Variants in TRPV5 observed in about 807,000 individuals in gnomAD.
TRPV5 encodes transient receptor potential cation channel subfamily V member 5.
In TRPV5, 66 loss-of-function variants were observed where a neutral mutation model predicts 74.1. That is an observed-to-expected ratio of 0.89 (90% CI 0.73 to 1.09). TRPV5 has a LOEUF of 1.09. Ranked by LOEUF, TRPV5 falls within the 50% of genes least tolerant of loss-of-function variation. The pLI is 0.00. For missense variants in TRPV5, 936 were observed against 930.4 expected, an observed-to-expected ratio of 1.01 and a Z score of -0.08; for synonymous variants, 399 against 360.7, an observed-to-expected ratio of 1.11 and a Z score of -1.20.
chr7:142,925,314 G>T (rs1795964772), intron 8 of TRPV5: 1 of 599,154 alleles, frequency 1.7e-6, no homozygotes, highest in Non-Finnish European at 3.0e-6. Flanking sequence ...CAAAGTTTGT[G>T]TGAGAAAATC....
intron 1 of TRPV5, among the ~76,000 whole-genome samples, chr7:142,931,049 G>A (rs1200773913): frequency 7.8e-6 from 1 of 128,770 alleles, no homozygotes; most frequent in Non-Finnish European, 1.6e-5. Flanking sequence ...TTGAGACAGA[G>A]TCTTGCTCTG....
rs754443061 is a variant in TRPV5 at position 142,909,500 on chromosome 7, A to T, written c.1885T>A (p.Trp629Arg). 2 of 1,613,942 alleles carry T rather than the reference A, an allele frequency of 1.2e-6. No individual in the cohort carries two copies. Among genetic ancestry groups the T allele is most frequent in the Non-Finnish European group, 1.7e-6 (2 of 1,180,024 alleles). ...CACACCATCACTCACCGCAGGAACCAGCGGTCCCCCAGCCCGAATTCGCAC... is the reference window on the plus strand; with the variant it reads ...CACACCATCACTCACCGCAGGAACCTGCGGTCCCCCAGCCCGAATTCGCAC... ...CGCEFGLGDR[W>R]FLRVENHNDQ... The change falls in exon 14 of 15, where the codon TGG (tryptophan) becomes AGG (arginine). Residue 629 changes from tryptophan to arginine, a missense_variant. Transcript: ENST00000265310.
chr7:142,915,660 A>G lies in TRPV5; in HGVS notation c.1123-92T>C, dbSNP rs574462894. The G allele has an allele frequency of 6.1e-6, 8 of 1,304,744 alleles. No individual in the cohort carries two copies. The East Asian group carries it at 1.0e-4, about 16-fold the overall frequency. The allele number at this position is 1,304,744 out of a possible 1,614,324, so 80.8% of individuals were successfully genotyped here. A position where few individuals can be genotyped will look rare whatever the true frequency, so the allele number is the denominator to read the frequency against. ...CGAAAGCTGCTAAAGCCCATCCAAA[A>G]TAAAGGAAACTCCCCTTCCCACCAG... On this transcript the variant is annotated intron_variant, in intron 8 of 14. Coordinates refer to ENST00000265310, the MANE Select transcript of TRPV5 (RefSeq NM_019841.7).
intron 6 of TRPV5, 27 bp from the exon 7 acceptor site, chr7:142,928,261 G>C: frequency 6.2e-7 from 1 of 1,613,832 alleles, no homozygotes; most frequent in Non-Finnish European, 8.5e-7. Flanking sequence ...ATGAGTCAGG[G>C]GGCCAACGTG....
At chr7:142,918,222 AT>A (rs953766922) in intron 8 of TRPV5, among the ~76,000 whole-genome samples, 16 of 151,816 alleles carry the variant, frequency 1.1e-4, no homozygotes, top group Non-Finnish European at 2.1e-4. Flanking sequence ...TGCATTCAAG[AT>A]TTTTTTTTCT....
intron 8 of TRPV5, among the ~76,000 whole-genome samples, chr7:142,920,260 G>T (rs1365099131): frequency 6.6e-6 from 1 of 152,102 alleles, no homozygotes; most frequent in Non-Finnish European, 1.5e-5. Flanking sequence ...TTTTCTCAGG[G>T]GTATTGGCTT....
chr7:142,908,691 A>C lies in TRPV5; in HGVS notation c.2013T>G (p.Ala671=). The C allele has an allele frequency of 6.2e-7, 1 of 1,614,236 alleles. No homozygotes were observed. The highest frequency in any genetic ancestry group is 8.5e-7 in the Non-Finnish European group (1 of 1,180,040). ...EHPSEKQPSG[A]ESGTLARASL... ...AGGCTCTGGCTAGAGTCCCACTCTC[A>C]GCCCCAGAGGGCTGTTTCTCAGATG... The change falls in exon 15 of 15, where the codon GCT becomes GCG. Residue 671 remains alanine, a synonymous_variant. Transcript: ENST00000265310.
chr7:142,928,514 A>G (rs1167019063), intron 6 of TRPV5, among the ~76,000 whole-genome samples, 177 bp downstream of exon 6: 1 of 152,230 alleles, frequency 6.6e-6, no homozygotes, highest in Non-Finnish European at 1.5e-5. Flanking sequence ...GTCAAGGACC[A>G]TGAAGCTGAA....
chr7:142,915,655 C>G, intron 8 of TRPV5, 87 bp from the exon 9 acceptor site: 1 of 1,367,370 alleles, frequency 7.3e-7, no homozygotes, highest in South Asian at 1.3e-5. Context: ...TAAAGCCCAT[C>G]CAAAATAAAG....
chr7:142,933,245 G>C (rs1796125823), intron 1 of TRPV5, 87 bp downstream of exon 1: 1 of 1,518,598 alleles, frequency 6.6e-7, no homozygotes, highest in South Asian at 1.2e-5. Context: ...ACACTTCTAG[G>C]GTGCTGTATT....
At chr7:142,924,351 TAG>T (rs1430374767) in intron 8 of TRPV5, among the ~76,000 whole-genome samples, 1,171 of 4,904 alleles carry the variant, frequency 0.24, 342 homozygotes, top group Admixed American at 0.33. Flanking sequence ...TATATATATA[TAG>T]ACATATACAT....
Position 142,915,044 on chromosome 7 carries a change from A to C in TRPV5, c.1289T>G (p.Ile430Ser). The stretch of plus-strand genomic sequence containing the variant: ...CACCAGCACCAGGGAGGCATAGGTG[A>C]TGCTGGGGGAGCAGAAAGCAGAGAG... ...ILGGPFHVII[I>S]TYASLVLVTM... The change falls in exon 11 of 15, where the codon ATC becomes AGC. Residue 430 changes from isoleucine (I) to serine (S), a missense_variant and splice_region_variant. Physicochemically the swap from Ile to Ser is moderately radical, Grantham distance 142. Coordinates refer to ENST00000265310, the MANE Select transcript of TRPV5 (RefSeq NM_019841.7). 6.2e-7 allele frequency: 1 copy of C among 1,613,656 alleles called. No homozygotes were observed. The highest frequency in any genetic ancestry group is 8.5e-7 in the Non-Finnish European group (1 of 1,179,776).
At chr7:142,926,041 C>T (rs1047107772) in intron 7 of TRPV5, among the ~76,000 whole-genome samples, 1 of 152,064 alleles carries the variant, frequency 6.6e-6, no homozygotes, top group African/African-American at 2.4e-5. Flanking sequence ...CAGCAGTTGC[C>T]AGGTCAGGAA....
Position 142,929,017 on chromosome 7 carries a change from C to G in TRPV5, c.586+5G>C. On this transcript the variant is annotated splice_donor_5th_base_variant and intron_variant, in intron 5 of 14. Transcript: ENST00000265310. ...CCCAGCTCCCCTCCCCATCCCAGCTCTTACCCAGGGAGTCCTGGGCCCTGA... is the reference window on the plus strand; with the variant it reads ...CCCAGCTCCCCTCCCCATCCCAGCTGTTACCCAGGGAGTCCTGGGCCCTGA... 6.2e-7 allele frequency: 1 copy of G among 1,614,016 alleles called. No homozygotes were observed. The highest frequency in any genetic ancestry group is 8.5e-7 in the Non-Finnish European group (1 of 1,180,020).
At chr7:142,918,508 A>G (rs1795833169) in intron 8 of TRPV5, among the ~76,000 whole-genome samples, 2 of 152,234 alleles carry the variant, frequency 1.3e-5, no homozygotes, top group Non-Finnish European at 2.9e-5. Context: ...TTTCTAAAAC[A>G]CAGATATCAT....
chr7:142,917,681 C>A (rs1025047364), intron 8 of TRPV5, among the ~76,000 whole-genome samples: 1 of 152,188 alleles, frequency 6.6e-6, no homozygotes, highest in Non-Finnish European at 1.5e-5. Flanking sequence ...TGTTCAGAAA[C>A]CCCAATTTTT....
Position 142,928,680 on chromosome 7 carries a change from G to T in TRPV5, c.762+11C>A, listed in dbSNP as rs754802976. The T allele has an allele frequency of 8.7e-6, 14 of 1,611,438 alleles. No individual in the cohort carries two copies. The highest frequency in any genetic ancestry group is 1.7e-5 in the Admixed American group (1 of 59,494). ...TAGAAAGACACCTCAGGGATGGGGA[G>T]CGTCTCTTACCACAGTGTTACCCTC... On this transcript the variant is annotated intron_variant, in intron 6 of 14. Transcript: ENST00000265310.
intron 7 of TRPV5, among the ~76,000 whole-genome samples, chr7:142,927,258 T>A (rs1281721958): frequency 1.3e-5 from 2 of 152,198 alleles, no homozygotes; most frequent in African/African-American, 4.8e-5. Context: ...TACACACAAC[T>A]ATTACGGCAT....
At chr7:142,924,649 A>C (rs1333888937) in intron 8 of TRPV5, 2 of 152,004 alleles carry the variant, frequency 1.3e-5, no homozygotes, top group Non-Finnish European at 2.9e-5. Context: ...ATAAATCTCC[A>C]ATCACTCAGT....
Sources: gnomAD v4.1 joint callset for allele counts (sites outside exome capture counted in the v4.1 genomes callset) on GRCh38, gnomAD v4.1.1 for gene constraint, MANE v1.5 for transcripts, NCBI Gene and HGNC (gene_info 2026-07-23, HGNC 2026-07-21) for gene names.